Variants in MYLK4 observed in about 807,000 individuals in gnomAD.
MYLK4 encodes caMLCK like.
In MYLK4, 46 loss-of-function variants were observed where a neutral mutation model predicts 48.1. The observed-to-expected ratio is 0.96, with a 90% confidence interval of 0.75 to 1.22. MYLK4 has a LOEUF of 1.22. Ranked by LOEUF, MYLK4 falls within the 50% of genes most tolerant of loss-of-function variation. MYLK4 has a pLI of 0.00. For synonymous variants in MYLK4, 170 were observed against 180.8 expected (o/e 0.94, Z 0.48); for missense variants, 451 against 486.1 (o/e 0.93, Z 0.68).
At chr6:2,765,674 G>A in the MYLK4 span, 3 of 1,554,006 alleles carry the variant, frequency 1.9e-6, no homozygotes, top group Non-Finnish European at 2.6e-6. Context: ...GCTGCACCAG[G>A]TGCAGTGCCC....
chr6:2,714,094 C>T (rs1234525242), intron 2 of MYLK4, among the ~76,000 whole-genome samples: 1 of 152,128 alleles, frequency 6.6e-6, no homozygotes, highest in Non-Finnish European at 1.5e-5. Context: ...GTGGAAGTTC[C>T]TCAAGAGACT....
intron 2 of MYLK4, among the ~76,000 whole-genome samples, chr6:2,719,308 T>C (rs1169915873): frequency 3.3e-5 from 5 of 152,122 alleles, no homozygotes; most frequent in Non-Finnish European, 5.9e-5. Context: ...ACCAGACCAA[T>C]GGTATTAAAA....
At chr6:2,683,670 C>T (rs367864574) in intron 6 of MYLK4, among the ~76,000 whole-genome samples, 1 of 152,272 alleles carries the variant, frequency 6.6e-6, no homozygotes, top group African/African-American at 2.4e-5. Flanking sequence ...CCACCAGCCT[C>T]GGCCTCCCAA....
At chr6:2,767,067 A>G in the MYLK4 span, among the ~76,000 whole-genome samples, 1 of 152,212 alleles carries the variant, frequency 6.6e-6, no homozygotes, top group African/African-American at 2.4e-5. Flanking sequence ...TTCATCCGGT[A>G]TTTCCGTAAC....
chr6:2,679,402 T>A lies in MYLK4; in HGVS notation c.765A>T (p.Lys255Asn), dbSNP rs764891380. Reference protein sequence around the residue: ...IIDFGLARRYKPREKLKVNFG... With the variant: ...IIDFGLARRYNPREKLKVNFG... ...AGTTCACCTTCAGCTTCTCTCTGGG[T>A]TTGTATCTGCAATTTAAGAGACAAA... Residue 255 changes from lysine (K) to asparagine (N), a missense_variant, in exon 9 of 13, where the codon AAA becomes AAT. Lys to Asn is a moderately conservative substitution (Grantham distance 94). Transcript: ENST00000274643. 3 of 1,614,112 alleles carry A rather than the reference T, an allele frequency of 1.9e-6. No individual in the cohort carries two copies. In the South Asian group the frequency reaches 3.3e-5, roughly 18 times the overall value.
intron 2 of MYLK4, among the ~76,000 whole-genome samples, chr6:2,702,948 G>C (rs981953333): frequency 5.9e-5 from 9 of 152,148 alleles, no homozygotes; most frequent in Admixed American, 2.6e-4. Context: ...ATTGTCCTTT[G>C]TTTGATTGTG....
the MYLK4 span, chr6:2,766,226 G>A: frequency 1.4e-6 from 2 of 1,472,186 alleles, no homozygotes; most frequent in Admixed American, 4.4e-5. Context: ...CGCCTTCGGG[G>A]CCAGTGGCGG....
chr6:2,730,845 G>A (rs1228043954), intron 2 of MYLK4, among the ~76,000 whole-genome samples: 1 of 152,176 alleles, frequency 6.6e-6, no homozygotes, highest in Non-Finnish European at 1.5e-5. Context: ...GAAAGCGGGA[G>A]GTGTCATGAC....
At chr6:2,724,475 C>T (rs1204523783) in intron 2 of MYLK4, among the ~76,000 whole-genome samples, 2 of 152,154 alleles carry the variant, frequency 1.3e-5, no homozygotes, top group Non-Finnish European at 2.9e-5. Context: ...CCTTTCGTCA[C>T]TTGGTGCTGG....
Position 2,671,336 on chromosome 6 carries a change from G to A in MYLK4, c.1132C>T (p.Arg378Cys), listed in dbSNP as rs369735779. Residue 378 changes from arginine (R) to cysteine (C), a missense_variant, in exon 12 of 13, where the codon CGT (arginine) becomes TGT (cysteine). By Grantham distance (180) the Arg-to-Cys change is radical. Coordinates refer to ENST00000274643, the MANE Select transcript of MYLK4 (RefSeq NM_001012418.5). ...SRLNAQKKKN[R>C]GSDAQDFVTK is the part of the protein sequence containing the mutation. ...ACAAAGTCCTGGGCATCAGAGCCAC[G>A]ATTCTTCTTCTTCTAGGGAAAGCAG... The A allele has an allele frequency of 1.1e-5, 17 of 1,613,842 alleles. No individual in the cohort carries two copies. The highest frequency in any genetic ancestry group is 9.3e-5 in the African/African-American group (7 of 74,904).
the MYLK4 span, chr6:2,765,449 C>T: frequency 1.3e-6 from 1 of 751,706 alleles, no homozygotes; most frequent in Non-Finnish European, 1.8e-6. Flanking sequence ...GGCGGGCGGA[C>T]GCGGGAGCTG....
chr6:2,719,871 C>A (rs181630761), intron 2 of MYLK4, among the ~76,000 whole-genome samples: 546 of 152,332 alleles, frequency 3.6e-3, no homozygotes, highest in African/African-American at 0.012. Flanking sequence ...GATGTGGTGG[C>A]TCACACCTGT....
chr6:2,675,242 A>G, intron 10 of MYLK4, 117 bp from the exon 11 acceptor site: 2 of 731,868 alleles, frequency 2.7e-6, no homozygotes, highest in Non-Finnish European at 2.5e-6. Context: ...ATGTCAACTC[A>G]TGGTCAATTC....
chr6:2,734,426 G>C (rs538336940), intron 2 of MYLK4, among the ~76,000 whole-genome samples: 2 of 152,104 alleles, frequency 1.3e-5, no homozygotes, highest in Non-Finnish European at 2.9e-5. Flanking sequence ...CACTTCACAC[G>C]TCCTCTCACC....
the MYLK4 span, among the ~76,000 whole-genome samples, chr6:2,769,676 C>A: frequency 6.6e-6 from 1 of 152,038 alleles, no homozygotes; most frequent in Non-Finnish European, 1.5e-5. Flanking sequence ...CATAAAACAG[C>A]ATAATAGGAA....
chr6:2,765,465 G>C, the MYLK4 span: 2 of 915,764 alleles, frequency 2.2e-6, no homozygotes, highest in Admixed American at 4.6e-5. Flanking sequence ...AGCTGCGGAC[G>C]TGAGGCATGA....
chr6:2,696,338 C>CA (rs1195146685), intron 2 of MYLK4, among the ~76,000 whole-genome samples: 2 of 152,196 alleles, frequency 1.3e-5, no homozygotes, highest in Admixed American at 1.3e-4. Flanking sequence ...ATGTATCCCC[C>CA]CCGACGATAT....
chr6:2,761,815 C>A, the MYLK4 span, among the ~76,000 whole-genome samples: 1 of 152,202 alleles, frequency 6.6e-6, no homozygotes, highest in Non-Finnish European at 1.5e-5. Flanking sequence ...CACACACACA[C>A]AATCTTTGCT....
At chr6:2,770,246 C>T in the MYLK4 span, 1 of 1,614,196 alleles carries the variant, frequency 6.2e-7, no homozygotes, top group Admixed American at 1.7e-5. Context: ...TGAGAAGCTT[C>T]CAGTAGAGGC....
Sources: allele counts gnomAD v4.1 joint callset (sites outside exome capture counted in the v4.1 genomes callset), GRCh38; gene constraint gnomAD v4.1.1; transcripts MANE v1.5; gene names NCBI Gene and HGNC (gene_info 2026-07-23, HGNC 2026-07-21).